ZBTB44: variants seen among roughly 807,000 people sequenced by gnomAD.
The protein encoded by ZBTB44 is zinc finger and BTB domain-containing protein 44.
A neutral mutation model predicts 54.0 loss-of-function variants in ZBTB44; 15 were observed. The observed-to-expected ratio is 0.28, with a 90% CI of 0.19 to 0.43. The LOEUF (loss-of-function observed/expected upper bound fraction) is 0.43, where lower values mean the gene tolerates loss of function less well. Among genes scored for constraint, ZBTB44 ranks in the 20% least tolerant of loss-of-function variants. The pLI is 1.00. For missense variants in ZBTB44, 487 were observed against 707.1 expected (o/e 0.69, Z 3.53); for synonymous variants, 230 against 250.1 (o/e 0.92, Z 0.76).
chr11:130,296,229 A>G, intron 1 of ZBTB44: 1 of 1,300,124 alleles, frequency 7.7e-7, no homozygotes, highest in Non-Finnish European at 1.1e-6. Flanking sequence ...TGATAAAGCT[A>G]ATACAACAGT....
At position 130,231,320 on chromosome 11, in the gene ZBTB44, G is replaced by T. The variant is rs1015508451; in HGVS notation, c.*444C>A. Reference sequence around the variant, plus strand: ...TGTACCCTCACTGAAATAGAAAAAGGCCTTTATTTGTATCATTTTATGTTA... The same window carrying T: ...TGTACCCTCACTGAAATAGAAAAAGTCCTTTATTTGTATCATTTTATGTTA... On this transcript the variant is annotated 3_prime_UTR_variant, in exon 8 of 8. Coordinates refer to ENST00000357899, the MANE Select transcript of ZBTB44 (RefSeq NM_001301098.2). 2.6e-5 allele frequency: 4 copies of T among 151,918 alleles called. No individual in the cohort carries two copies. The highest frequency in any genetic ancestry group is 9.7e-5 in the African/African-American group (4 of 41,356). 9.4% of individuals were successfully genotyped at this position (151,918 alleles called of 1,614,324 possible). A position where few individuals can be genotyped will look rare whatever the true frequency, so the allele number is the denominator to read the frequency against.
chr11:130,314,284 G>A (rs1942812214), intron 1 of ZBTB44, 91 bp downstream of exon 1: 1 of 152,466 alleles, frequency 6.6e-6, no homozygotes, highest in Non-Finnish European at 1.5e-5. Context: ...GCTCCCTTCG[G>A]CGCCAGGTGG....
chr11:130,260,656 A>G (rs916624949), intron 2 of ZBTB44, among the ~76,000 whole-genome samples, 200 bp downstream of exon 2: 1 of 151,740 alleles, frequency 6.6e-6, no homozygotes, highest in Non-Finnish European at 1.5e-5. Flanking sequence ...GATACCATTC[A>G]ATTATTTTTA....
At chr11:130,308,617 A>G (rs1942406811) in intron 1 of ZBTB44, among the ~76,000 whole-genome samples, 1 of 152,234 alleles carries the variant, frequency 6.6e-6, no homozygotes, top group South Asian at 2.1e-4. Flanking sequence ...AAATGTTAGC[A>G]TTATTATCAA....
intron 1 of ZBTB44, among the ~76,000 whole-genome samples, chr11:130,290,408 C>A (rs943657118): frequency 2.0e-5 from 3 of 152,176 alleles, no homozygotes; most frequent in Non-Finnish European, 1.5e-5. Flanking sequence ...TAATTAATTA[C>A]AACAGCCACA....
chr11:130,284,306 C>CTT (rs2134298872), intron 1 of ZBTB44, among the ~76,000 whole-genome samples: 1 of 152,314 alleles, frequency 6.6e-6, no homozygotes, highest in African/African-American at 2.4e-5. Context: ...TCATCCTCCT[C>CTT]TTATTAAAAG....
At chr11:130,248,152 G>C (rs1937682334) in intron 2 of ZBTB44, among the ~76,000 whole-genome samples, 3 of 152,184 alleles carry the variant, frequency 2.0e-5, no homozygotes, top group Admixed American at 6.5e-5. Flanking sequence ...AAATTAGTAA[G>C]TAAAATTAAA....
intron 1 of ZBTB44, among the ~76,000 whole-genome samples, chr11:130,272,688 C>CTT (rs146449870): frequency 7.8e-5 from 11 of 141,430 alleles, no homozygotes; most frequent in Admixed American, 4.9e-4. Flanking sequence ...TTACTAATAT[C>CTT]TTTTTTTTTT....
At chr11:130,239,162 A>C (rs1483273961) in intron 3 of ZBTB44, 2 of 152,728 alleles carry the variant, frequency 1.3e-5, no homozygotes, top group African/African-American at 2.4e-5. Flanking sequence ...AAGAGTGGTA[A>C]GGAAAAAAGA....
chr11:130,282,620 T>C (rs1356536723), intron 1 of ZBTB44, among the ~76,000 whole-genome samples: 1 of 152,210 alleles, frequency 6.6e-6, no homozygotes, highest in African/African-American at 2.4e-5. Context: ...TAAAGAGCAA[T>C]GTTGAAGGCC....
At chr11:130,246,453 C>T (rs935157611) in intron 2 of ZBTB44, among the ~76,000 whole-genome samples, 1 of 152,080 alleles carries the variant, frequency 6.6e-6, no homozygotes, top group South Asian at 2.1e-4. Context: ...CCTTGTGAAA[C>T]AGTAAAACTG....
intron 1 of ZBTB44, among the ~76,000 whole-genome samples, chr11:130,298,042 G>A (rs925468341): frequency 2.0e-5 from 3 of 152,024 alleles, no homozygotes; most frequent in Non-Finnish European, 4.4e-5. Context: ...GCAGACTTAA[G>A]ACAAAGTATT....
At chr11:130,297,047 C>A in intron 1 of ZBTB44, 1 of 672,594 alleles carries the variant, frequency 1.5e-6, no homozygotes, top group Non-Finnish European at 2.7e-6. Context: ...GCAGGCAGCT[C>A]TCTCATTGAA....
rs776088511 is a variant in ZBTB44 at position 130,261,805 on chromosome 11, C to A, written c.69G>T (p.Met23Ile). The stretch of plus-strand genomic sequence containing the variant: ...CACAAAAATGTCCATCATTTCGCAG[C>A]ATATTTAGCTTTCCAAGCATTTCCT... ...HSQEMLGKLNMLRNDGHFCDI... is the reference protein window; with the variant it reads ...HSQEMLGKLNILRNDGHFCDI... Residue 23 changes from methionine (M) to isoleucine (I), a missense_variant, in exon 2 of 8, where the codon ATG becomes ATT. By Grantham distance (10) the Met-to-Ile change is conservative. Around this residue, in one of 3 missense-constraint regions of ZBTB44, gnomAD observed 90 missense variants for 160.3 expected, o/e 0.56. Coordinates refer to ENST00000357899, the MANE Select transcript of ZBTB44 (RefSeq NM_001301098.2). This position sits in a 1 kb window ranked among gnomAD's most constrained non-coding sequence, Gnocchi z 4.8. The A allele has an allele frequency of 1.9e-6, 3 of 1,613,998 alleles. No homozygotes were observed. The South Asian group carries it at 3.3e-5, about 18-fold the overall frequency.
chr11:130,231,261 C>G lies in ZBTB44; in HGVS notation c.*503G>C, dbSNP rs1953864860. On this transcript the variant is annotated 3_prime_UTR_variant, in exon 8 of 8. Coordinates refer to ENST00000357899, the MANE Select transcript of ZBTB44 (RefSeq NM_001301098.2). ...CCTAAAACAGATCCATAAACAGATC[C>G]AATATCCTTAAAGTACATATATATC... The G allele has an allele frequency of 2.0e-5, 3 of 151,980 alleles. No individual in the cohort carries two copies. The highest frequency in any genetic ancestry group is 4.4e-5 in the Non-Finnish European group (3 of 67,964). 9.4% of individuals were successfully genotyped at this position (151,980 alleles called of 1,614,324 possible).
intron 1 of ZBTB44, among the ~76,000 whole-genome samples, chr11:130,264,286 C>T (rs2136457538): frequency 6.6e-6 from 1 of 152,206 alleles, no homozygotes; most frequent in East Asian, 1.9e-4. Context: ...CCTTTTCTTC[C>T]TGAAAGGGCC....
At chr11:130,248,228 A>G (rs1214313617) in intron 2 of ZBTB44, among the ~76,000 whole-genome samples, 1 of 152,228 alleles carries the variant, frequency 6.6e-6, no homozygotes, top group Non-Finnish European at 1.5e-5. Flanking sequence ...TCTCAAATTT[A>G]CTGACTGCCT....
intron 1 of ZBTB44, among the ~76,000 whole-genome samples, chr11:130,282,961 C>CA (rs1267440574): frequency 6.6e-6 from 1 of 151,406 alleles, no homozygotes; most frequent in African/African-American, 2.4e-5. Flanking sequence ...TACAGGTCCC[C>CA]ACCACTGTGA....
chr11:130,312,843 G>A (rs1430104885), intron 1 of ZBTB44, among the ~76,000 whole-genome samples: 3 of 152,166 alleles, frequency 2.0e-5, no homozygotes, highest in Non-Finnish European at 4.4e-5. Context: ...TAATGATACT[G>A]GGGTTAGTAG....
Sources: allele counts gnomAD v4.1 joint callset (sites outside exome capture counted in the v4.1 genomes callset), GRCh38; gene constraint gnomAD v4.1.1; regional missense constraint gnomAD v4.1.1; non-coding constraint Gnocchi (gnomAD v3.1); transcripts MANE v1.5; gene names NCBI Gene and HGNC (gene_info 2026-07-23, HGNC 2026-07-21).